Variants in CABP7 observed in about 807,000 individuals in gnomAD.
CABP7 encodes calcium-binding protein 7.
Under a neutral mutation model 23.1 loss-of-function variants are expected in CABP7, and 13 were observed. The ratio of observed to expected loss-of-function variants is 0.56; its 90% CI spans 0.37 to 0.90. The LOEUF (loss-of-function observed/expected upper bound fraction) is 0.90. CABP7 is among the 40% of genes least tolerant of loss of function. The pLI is 0.01. For missense variants in CABP7, 248 were observed against 295.6 expected, an observed-to-expected ratio of 0.84 and a Z score of 1.18; for synonymous variants, 123 against 115.3, an observed-to-expected ratio of 1.07 and a Z score of -0.43.
At position 29,727,684 on chromosome 22, in the gene CABP7, G is replaced by T. The variant is rs771562206; in HGVS notation, c.132G>T (p.Val44=). Residue 44 remains valine, a synonymous_variant, in exon 2 of 5, where the codon GTG becomes GTT. Transcript: ENST00000216144. The surrounding 1 kb of genome is among the most constrained non-coding windows in gnomAD (Gnocchi z 4.2). ...CAGAGATCCGAGAGGCCTTCAAGGT[G>T]TTTGACCGTGACGGCAATGGCTTCA... The part of the protein sequence containing the change: ...ELEEIREAFK[V]FDRDGNGFIS... 1.2e-6 allele frequency: 2 copies of T among 1,613,838 alleles called. No homozygotes were observed. Among genetic ancestry groups the T allele is most frequent in the African/African-American group, 1.3e-5 (1 of 75,054 alleles).
chr22:29,725,709 GA>G (rs1216445326), intron 1 of CABP7, among the ~76,000 whole-genome samples: 1 of 152,234 alleles, frequency 6.6e-6, no homozygotes, highest in African/African-American at 2.4e-5. Context: ...ACGGCGAGCA[GA>G]AGAGCACTTC....
intron 2 of CABP7, 72 bp from the exon 3 acceptor site, chr22:29,728,558 C>A: frequency 1.0e-6 from 1 of 971,658 alleles, no homozygotes; most frequent in Non-Finnish European, 1.6e-6. Flanking sequence ...AGACTCCATC[C>A]CAGGACCTCT....
rs770941332 is a variant in CABP7, at chr22:29,731,238, A to T, written c.*1669A>T. ...GGGGCAAGGGGCTCAGCCCCACTGG[A>T]CTCTGGGCTGCAGAGGCCACCCCCC... On this transcript the variant is annotated 3_prime_UTR_variant, in exon 5 of 5. Coordinates refer to ENST00000216144, the MANE Select transcript of CABP7 (RefSeq NM_182527.3). The T allele has an allele frequency of 6.6e-7, 1 of 1,507,216 alleles. No individual in the cohort carries two copies. The highest frequency in any genetic ancestry group is 2.7e-5 in the East Asian group (1 of 37,190). 93.4% of individuals were successfully genotyped at this position (1,507,216 alleles called of 1,614,324 possible).
rs2067747276 is a variant in CABP7, at chr22:29,720,030, AGGCGGCTACAGCCTGAGCGCCG to A, written c.-391_-370del. 1 of 149,076 alleles carries A rather than the reference AGGCGGCTACAGCCTGAGCGCCG, an allele frequency of 6.7e-6. No homozygotes were observed. Among genetic ancestry groups the A allele is most frequent in the African/African-American group, 2.5e-5 (1 of 40,648 alleles). 9.2% of individuals were successfully genotyped at this position (149,076 alleles called of 1,614,324 possible). A position where few individuals can be genotyped will look rare whatever the true frequency, so the allele number is the denominator to read the frequency against. On this transcript the variant is annotated 5_prime_UTR_variant, in exon 1 of 5. Transcript: ENST00000216144. This position sits in a 1 kb window ranked among gnomAD's most constrained non-coding sequence, Gnocchi z 5.2. ...AGAACGAGCGAGCGAGCGAGCGGAG[AGGCGGCTACAGCCTGAGCGCCG>A]GGCCGGTAGCGGCCGCGCCGGCGAG...
chr22:29,726,805 A>C (rs1345726320), intron 1 of CABP7, among the ~76,000 whole-genome samples: 1 of 152,192 alleles, frequency 6.6e-6, no homozygotes, highest in Non-Finnish European at 1.5e-5. Context: ...ATTAAGGGAC[A>C]GCAGCCCTTA....
intron 1 of CABP7, among the ~76,000 whole-genome samples, chr22:29,724,742 A>T (rs890440768): frequency 5.9e-5 from 9 of 152,182 alleles, no homozygotes; most frequent in African/African-American, 1.7e-4. Context: ...GGGAGGTGGC[A>T]GTGTGTGGAT....
rs1174607524 is a variant in CABP7 at position 29,730,848 on chromosome 22, T to C, written c.*1279T>C. On this transcript the variant is annotated 3_prime_UTR_variant, in exon 5 of 5. Coordinates refer to ENST00000216144, the MANE Select transcript of CABP7 (RefSeq NM_182527.3). Reference sequence around the variant, plus strand: ...GTCCCAAGGGAGAAGGGAGTGAGCGTGGGTCACCTGGGGAAAATCTCATCT... The same window carrying C: ...GTCCCAAGGGAGAAGGGAGTGAGCGCGGGTCACCTGGGGAAAATCTCATCT... 6.3e-6 allele frequency: 1 copy of C among 159,820 alleles called. No homozygotes were observed. Among genetic ancestry groups the C allele is most frequent in the Non-Finnish European group, 1.4e-5 (1 of 73,264 alleles). 9.9% of individuals were successfully genotyped at this position (159,820 alleles called of 1,614,324 possible).
rs564157656 is a variant in CABP7 at position 29,731,017 on chromosome 22, A to G, written c.*1448A>G. ...TTTCTCCCCCATCTTCTTAAGAAGCAGGGGGGCAGGTGGAGGAGAGTGAGG... is the reference window on the plus strand; with the variant it reads ...TTTCTCCCCCATCTTCTTAAGAAGCGGGGGGGCAGGTGGAGGAGAGTGAGG... On this transcript the variant is annotated 3_prime_UTR_variant, in exon 5 of 5. Coordinates refer to ENST00000216144, the MANE Select transcript of CABP7 (RefSeq NM_182527.3). 5.8e-4 allele frequency: 260 copies of G among 450,550 alleles called. 2 individuals are homozygous for G. The highest frequency in any genetic ancestry group is 5.3e-4 in the Non-Finnish European group (138 of 259,576). 27.9% of individuals were successfully genotyped at this position (450,550 alleles called of 1,614,324 possible).
intron 1 of CABP7, among the ~76,000 whole-genome samples, chr22:29,723,050 G>A (rs541376032): frequency 4.9e-4 from 75 of 152,332 alleles, no homozygotes; most frequent in African/African-American, 1.6e-3. Flanking sequence ...CCTATAAAAG[G>A]GGGGCTGGTG....
At chr22:29,728,395 C>G (rs2067811295) in intron 2 of CABP7, among the ~76,000 whole-genome samples, 1 of 152,198 alleles carries the variant, frequency 6.6e-6, no homozygotes, top group Non-Finnish European at 1.5e-5. Flanking sequence ...CACCTGCTGT[C>G]TACCTCCACC....
chr22:29,728,928 G>C (rs2067815709), intron 3 of CABP7, 127 bp from the exon 4 acceptor site: 1 of 1,290,514 alleles, frequency 7.7e-7, no homozygotes, highest in Admixed American at 1.9e-5. Flanking sequence ...GGACTCTCTG[G>C]GGGAATGGAG....
chr22:29,720,510 A>G lies in CABP7; in HGVS notation c.86A>G (p.Asp29Gly), dbSNP rs750380371. 2 of 1,552,738 alleles carry G rather than the reference A, an allele frequency of 1.3e-6. No individual in the cohort carries two copies. Among genetic ancestry groups the G allele is most frequent in the South Asian group, 2.3e-5 (2 of 86,236 alleles). ...PNLLSEQRPV[D>G]IPEDELEEIR... Reference sequence around the variant, plus strand: ...CTGCTGTCGGAGCAGCGCCCGGTGGACATCCCGGAGGACGAGCTGGAGGGT... The same window carrying G: ...CTGCTGTCGGAGCAGCGCCCGGTGGGCATCCCGGAGGACGAGCTGGAGGGT... The change falls in exon 1 of 5, where the codon GAC (aspartate) becomes GGC (glycine). Residue 29 changes from aspartate to glycine, a missense_variant. Transcript: ENST00000216144. This position sits in a 1 kb window ranked among gnomAD's most constrained non-coding sequence, Gnocchi z 5.2.
At position 29,720,499 on chromosome 22, in the gene CABP7, G is replaced by T; in HGVS notation, c.75G>T (p.Gln25His). 6.4e-7 allele frequency: 1 copy of T among 1,559,214 alleles called. No homozygotes were observed. Among genetic ancestry groups the T allele is most frequent in the Non-Finnish European group, 8.7e-7 (1 of 1,153,948 alleles). ...IYTVPNLLSE[Q>H]RPVDIPEDEL... is the part of the protein sequence containing the mutation. ...CCGTGCCCAACCTGCTGTCGGAGCA[G>T]CGCCCGGTGGACATCCCGGAGGACG... The change falls in exon 1 of 5, where the codon CAG (glutamine) becomes CAT (histidine). Residue 25 changes from glutamine (Q) to histidine (H), a missense_variant. By Grantham distance (24) the Gln-to-His change is conservative (BLOSUM62 0). Transcript: ENST00000216144. The surrounding 1 kb of genome is among the most constrained non-coding windows in gnomAD (Gnocchi z 5.2).
intron 1 of CABP7, among the ~76,000 whole-genome samples, chr22:29,726,933 G>A (rs1037350773): frequency 1.3e-5 from 2 of 152,206 alleles, no homozygotes; most frequent in African/African-American, 2.4e-5. Context: ...GTAAAACTGA[G>A]GCTGGCCCAA....
At chr22:29,729,332 A>T in intron 4 of CABP7, 110 bp from the exon 5 acceptor site, 1 of 1,577,152 alleles carries the variant, frequency 6.3e-7, no homozygotes, top group Non-Finnish European at 8.6e-7. Flanking sequence ...CCTCTGTCCC[A>T]TTGGGGCACC....
At chr22:29,725,951 C>T (rs191870922) in intron 1 of CABP7, among the ~76,000 whole-genome samples, 2 of 152,282 alleles carry the variant, frequency 1.3e-5, no homozygotes, top group African/African-American at 2.4e-5. Flanking sequence ...GCCTCCGTGG[C>T]TGACAGGCCT....
chr22:29,729,205 G>C lies in CABP7; in HGVS notation c.517G>C (p.Glu173Gln), dbSNP rs773744321. ...AGCCGAGGAGTGTCCCGTGGATGTG[G>C]AGAGTGAGTGGCTGGCCCTGGAACC... is the stretch of plus-strand genomic sequence containing the variant. ...GTAEECPVDV[E>Q]TCSNQQIRQT... The change falls in exon 4 of 5, where the codon GAG becomes CAG. Residue 173 changes from glutamate (E) to glutamine (Q), a missense_variant. Glu to Gln is a conservative substitution (Grantham distance 29). Transcript: ENST00000216144. The C allele has an allele frequency of 6.2e-7, 1 of 1,605,746 alleles. No homozygotes were observed. The highest frequency in any genetic ancestry group is 2.2e-5 in the East Asian group (1 of 44,570).
At chr22:29,721,909 C>T (rs572455808) in intron 1 of CABP7, among the ~76,000 whole-genome samples, 5 of 152,270 alleles carry the variant, frequency 3.3e-5, no homozygotes, top group African/African-American at 1.2e-4. Context: ...CCCCTAAAAC[C>T]CAGGGCCAGA....
rs144095875 is a variant in CABP7 at position 29,722,661 on chromosome 22, G to A, written c.109+2128G>A. 7.6e-4 allele frequency among the ~76,000 whole-genome samples: 116 copies of A among 152,396 alleles called. 1 individual carries two copies. In the East Asian group the frequency reaches 0.018, roughly 24 times the overall value. ...AGGTCCCTTTCAGCAGTCCTTGAAT[G>A]CCAGGGCTGGCCATTCCTGGCACGG... On this transcript the variant is annotated intron_variant, in intron 1 of 4. Transcript: ENST00000216144.
Sources: gnomAD v4.1 joint callset for allele counts (sites outside exome capture counted in the v4.1 genomes callset) on GRCh38, gnomAD v4.1.1 for gene constraint, Gnocchi (gnomAD v3.1) non-coding constraint, MANE v1.5 for transcripts, NCBI Gene and HGNC (gene_info 2026-07-23, HGNC 2026-07-21) for gene names.